The following PSD3 variants were observed in gnomAD, a reference collection of about 807,000 sequenced individuals.
PSD3 encodes the protein pleckstrin and Sec7 domain containing 3.
A neutral mutation model predicts 105.5 loss-of-function variants in PSD3; 49 were observed. That is an observed-to-expected ratio of 0.46 (90% CI 0.37 to 0.59). The LOEUF (loss-of-function observed/expected upper bound fraction) is 0.59, where lower values mean the gene tolerates loss of function less well. PSD3 is among the 20% of genes least tolerant of loss of function. The pLI is 0.00. For missense variants in PSD3, 1,561 were observed against 1,263.8 expected (o/e 1.24, Z -3.57); for synonymous variants, 557 against 457.8 (o/e 1.22, Z -2.77).
At chr8:18,613,082 C>G (rs1455901072) in intron 11 of PSD3, among the ~76,000 whole-genome samples, 2 of 152,084 alleles carry the variant, frequency 1.3e-5, no homozygotes, top group Non-Finnish European at 2.9e-5. Flanking sequence ...AGCAACAAAT[C>G]CCAAAATGAC....
intron 11 of PSD3, among the ~76,000 whole-genome samples, chr8:18,604,369 G>A (rs1019196187): frequency 3.3e-5 from 5 of 152,250 alleles, no homozygotes; most frequent in Middle Eastern, 6.8e-3. Context: ...ATGATTTAGG[G>A]TATCTGGCAG....
chr8:19,036,996 G>GT (rs1404959881), intron 1 of PSD3, among the ~76,000 whole-genome samples: 1 of 152,158 alleles, frequency 6.6e-6, no homozygotes, highest in East Asian at 1.9e-4. Context: ...AGCATCCCCT[G>GT]TGTCCTAGCC....
In PSD3 at chr8:18,527,516, T is replaced by C. The variant is rs1341011064; in HGVS notation, c.*8227A>G. The C allele has an allele frequency of 6.6e-6, 1 of 152,652 alleles. No homozygotes were observed. The highest frequency in any genetic ancestry group is 1.5e-5 in the Non-Finnish European group (1 of 68,042). 9.5% of individuals were successfully genotyped at this position (152,652 alleles called of 1,614,324 possible). ...ATAAACATTTACACAATAAATGTAC[T>C]CTATATATCACAGCTTCTATACATA... On this transcript the variant is annotated 3_prime_UTR_variant, in exon 16 of 16. Coordinates refer to ENST00000327040, the MANE Select transcript of PSD3 (RefSeq NM_015310.4).
rs538555345 is a variant in PSD3 at position 18,694,526 on chromosome 8, C to T, written c.2173-38841G>A. On this transcript the variant is annotated intron_variant, in intron 9 of 15. Coordinates refer to ENST00000327040, the MANE Select transcript of PSD3 (RefSeq NM_015310.4). ...TTGGGAGGCTGAGGCAGGAGAATGG[C>T]GTGAACCCGGGAGGCAGAGCTTGCA... Among the ~76,000 whole-genome samples the T allele has an allele frequency of 5.3e-5, 8 of 151,454 alleles. No individual in the cohort carries two copies. The East Asian group carries it at 5.8e-4, about 11-fold the overall frequency.
chr8:18,704,781 T>C (rs1801793213), intron 9 of PSD3, among the ~76,000 whole-genome samples: 1 of 151,990 alleles, frequency 6.6e-6, no homozygotes, highest in Admixed American at 6.6e-5. Context: ...GATTAAAAAC[T>C]GAAAGTAGAA....
chr8:18,798,021 G>A (rs1450405938), intron 8 of PSD3, among the ~76,000 whole-genome samples: 1 of 152,144 alleles, frequency 6.6e-6, no homozygotes, highest in African/African-American at 2.4e-5. Flanking sequence ...ACAAAGCAGT[G>A]AAAACTTGCT....
At chr8:18,913,938 C>T (rs1820410101) in intron 2 of PSD3, among the ~76,000 whole-genome samples, 1 of 152,168 alleles carries the variant, frequency 6.6e-6, no homozygotes, top group Non-Finnish European at 1.5e-5. Context: ...CAGATCCATG[C>T]TCTGGGCCTG....
chr8:18,682,099 A>G lies in PSD3; in HGVS notation c.2173-26414T>C, dbSNP rs575269078. Among the ~76,000 whole-genome samples, 5 of 152,316 alleles carry G rather than the reference A, an allele frequency of 3.3e-5. No individual in the cohort carries two copies. In the South Asian group the frequency reaches 1.0e-3, roughly 32 times the overall value. ...GTGACAAACACAGAGGACAGTAGAG[A>G]ATCTTTTCATGTGGTATCTATGCTG... is the stretch of plus-strand genomic sequence containing the variant. On this transcript the variant is annotated intron_variant, in intron 9 of 15. Transcript: ENST00000327040.
chr8:19,084,504 G>A, exon 1 of PSD3: 1 of 435,480 alleles, frequency 2.3e-6, no homozygotes, highest in Non-Finnish European at 4.6e-6. Flanking sequence ...CCAGCCCATG[G>A]AGGGACTGCT....
At chr8:18,567,464 T>C (rs969602) in intron 14 of PSD3, among the ~76,000 whole-genome samples, 10,789 of 152,224 alleles carry the variant, frequency 0.071, 876 homozygotes, top group African/African-American at 0.19. Flanking sequence ...ACATACCTTC[T>C]GGTCATCAGT....
intron 4 of PSD3, among the ~76,000 whole-genome samples, chr8:18,858,341 C>T (rs1265265512): frequency 1.3e-5 from 2 of 152,166 alleles, no homozygotes. Context: ...TCTGAGTACT[C>T]AGCAAGTCCT....
At chr8:19,040,448 C>T (rs1201461230) in intron 1 of PSD3, among the ~76,000 whole-genome samples, 1 of 152,156 alleles carries the variant, frequency 6.6e-6, no homozygotes, top group East Asian at 1.9e-4. Flanking sequence ...TCAAGTGATC[C>T]ACATGCCTCT....
At chr8:18,911,075 T>C (rs1390772003) in intron 2 of PSD3, among the ~76,000 whole-genome samples, 2 of 152,076 alleles carry the variant, frequency 1.3e-5, no homozygotes, top group African/African-American at 2.4e-5. Flanking sequence ...GCCACTGCAC[T>C]CCATCCTGGG....
intron 1 of PSD3, among the ~76,000 whole-genome samples, chr8:18,995,093 C>T (rs1826002817): frequency 6.6e-6 from 1 of 152,160 alleles, no homozygotes; most frequent in Admixed American, 6.5e-5. Flanking sequence ...AGCAAGGGAG[C>T]TGTTTACTGA....
intron 8 of PSD3, among the ~76,000 whole-genome samples, chr8:18,771,327 G>T (rs1209819443): frequency 6.6e-6 from 1 of 152,188 alleles, no homozygotes; most frequent in Non-Finnish European, 1.5e-5. Context: ...CCTGCCTCTT[G>T]TCCCTATCAC....
At chr8:18,638,116 C>T (rs1235641353) in intron 10 of PSD3, among the ~76,000 whole-genome samples, 2 of 147,298 alleles carry the variant, frequency 1.4e-5, no homozygotes, top group African/African-American at 2.5e-5. Flanking sequence ...GATCACGCCA[C>T]TGCACTCCAG....
chr8:19,069,847 C>T (rs1829194036), intron 1 of PSD3, among the ~76,000 whole-genome samples: 1 of 152,112 alleles, frequency 6.6e-6, no homozygotes, highest in African/African-American at 2.4e-5. Flanking sequence ...AGATAAACAA[C>T]AAATCATTTG....
intron 4 of PSD3, 65 bp downstream of exon 4, chr8:18,867,608 AG>A: frequency 6.6e-7 from 1 of 1,509,398 alleles, no homozygotes; most frequent in East Asian, 2.3e-5. Flanking sequence ...TTCCACACTC[AG>A]ATTTCCCAGA....
At chr8:18,757,910 A>C (rs1403481963) in intron 9 of PSD3, among the ~76,000 whole-genome samples, 1 of 152,232 alleles carries the variant, frequency 6.6e-6, no homozygotes, top group African/African-American at 2.4e-5. Context: ...AATGACCAAG[A>C]GTAGTAAAAT....
Sources: gnomAD v4.1 joint callset for allele counts (sites outside exome capture counted in the v4.1 genomes callset) on GRCh38, gnomAD v4.1.1 for gene constraint, MANE v1.5 for transcripts, NCBI Gene and HGNC (gene_info 2026-07-23, HGNC 2026-07-21) for gene names.